The following CTNNA2 variants were observed in gnomAD, a reference collection of about 807,000 sequenced individuals.
The protein encoded by CTNNA2 is catenin alpha 2, also known as catenin alpha-2.
A neutral mutation model predicts 101.0 loss-of-function variants in CTNNA2; 42 were observed. That is an observed-to-expected ratio of 0.42 (90% CI 0.32 to 0.54). The LOEUF (loss-of-function observed/expected upper bound fraction) is 0.54. Among genes scored for constraint, CTNNA2 ranks in the 20% least tolerant of loss-of-function variants. CTNNA2 has a pLI of 0.14. For synonymous variants in CTNNA2, 450 were observed against 456.4 expected (o/e 0.99, Z 0.18); for missense variants, 871 against 1,223.1 (o/e 0.71, Z 4.29).
chr2:79,823,004 A>G (rs773772159), intron 3 of CTNNA2, among the ~76,000 whole-genome samples: 4 of 152,014 alleles, frequency 2.6e-5, no homozygotes, highest in Non-Finnish European at 5.9e-5. Flanking sequence ...GCCAGATACA[A>G]TTTTTTTCTC....
intron 2 of CTNNA2, among the ~76,000 whole-genome samples, chr2:79,289,354 T>G (rs1467580962): frequency 2.6e-5 from 4 of 152,188 alleles, no homozygotes. Context: ...GATTTAATGA[T>G]GAAGACAACA....
intron 2 of CTNNA2, among the ~76,000 whole-genome samples, chr2:79,205,299 G>T (rs183247986): frequency 6.6e-6 from 1 of 152,200 alleles, no homozygotes; most frequent in South Asian, 2.1e-4. Context: ...GGACATGAGA[G>T]AAAAAGCTTC....
At chr2:80,418,181 T>G (rs1680204109) in intron 8 of CTNNA2, among the ~76,000 whole-genome samples, 1 of 152,208 alleles carries the variant, frequency 6.6e-6, no homozygotes, top group Non-Finnish European at 1.5e-5. Context: ...CTTCTTACCC[T>G]AGGCGCTGCC....
chr2:80,326,521 G>A (rs1016677623), intron 7 of CTNNA2, among the ~76,000 whole-genome samples: 2 of 152,084 alleles, frequency 1.3e-5, no homozygotes, highest in African/African-American at 4.8e-5. Flanking sequence ...ACTGCTCAGG[G>A]TGATATGGGT....
At chr2:80,057,389 G>C (rs1558767201) in intron 7 of CTNNA2, among the ~76,000 whole-genome samples, 1 of 152,074 alleles carries the variant, frequency 6.6e-6, no homozygotes, top group Non-Finnish European at 1.5e-5. Context: ...CATTCCGATG[G>C]AACATGTATG....
intron 7 of CTNNA2, among the ~76,000 whole-genome samples, chr2:80,277,654 A>C (rs923074175): frequency 2.0e-5 from 3 of 152,008 alleles, no homozygotes; most frequent in Non-Finnish European, 4.4e-5. Flanking sequence ...TGAGAGGAAC[A>C]AAATGAGAAA....
chr2:80,111,688 T>C (rs1573112658), intron 7 of CTNNA2, among the ~76,000 whole-genome samples: 1 of 152,204 alleles, frequency 6.6e-6, no homozygotes, highest in East Asian at 1.9e-4. Context: ...ACCACAGGCA[T>C]GCACCACCAC....
intron 7 of CTNNA2, among the ~76,000 whole-genome samples, chr2:80,236,823 C>G (rs1462819631): frequency 6.6e-6 from 1 of 152,176 alleles, no homozygotes; most frequent in Non-Finnish European, 1.5e-5. Flanking sequence ...CACAGAGAAT[C>G]CACAATGGTG....
intron 7 of CTNNA2, among the ~76,000 whole-genome samples, chr2:80,170,471 C>T (rs747431076): frequency 3.3e-5 from 5 of 152,128 alleles, no homozygotes; most frequent in Admixed American, 6.5e-5. Flanking sequence ...CCTGGGTGTA[C>T]TCAGCCAGTG....
At chr2:80,293,915 A>T (rs1437560372) in intron 7 of CTNNA2, among the ~76,000 whole-genome samples, 1 of 151,972 alleles carries the variant, frequency 6.6e-6, no homozygotes, top group South Asian at 2.1e-4. Context: ...TGGGGTGGAG[A>T]CACAGAGGGG....
intron 9 of CTNNA2, among the ~76,000 whole-genome samples, chr2:80,455,020 G>C (rs1466260893): frequency 6.6e-6 from 1 of 152,240 alleles, no homozygotes; most frequent in Non-Finnish European, 1.5e-5. Flanking sequence ...ATATGCGGAG[G>C]CTGCATCCCT....
intron 7 of CTNNA2, among the ~76,000 whole-genome samples, chr2:80,255,992 G>A (rs1672110437): frequency 6.6e-6 from 1 of 152,086 alleles, no homozygotes; most frequent in South Asian, 2.1e-4. Flanking sequence ...ATTTGTGTCA[G>A]CAGTAATACT....
At chr2:80,462,627 C>CTTTTTTTTTTTTTTTTTT (rs1161384853) in intron 9 of CTNNA2, among the ~76,000 whole-genome samples, 22 of 114,366 alleles carry the variant, frequency 1.9e-4, no homozygotes, top group African/African-American at 7.4e-4. Flanking sequence ...TTCTTTCTTT[C>CTTTTTTTTTTTTTTTTTT]TTTCTTTTTT....
At chr2:80,259,407 G>A (rs932937607) in intron 7 of CTNNA2, among the ~76,000 whole-genome samples, 27 of 152,262 alleles carry the variant, frequency 1.8e-4, no homozygotes, top group African/African-American at 6.3e-4. Context: ...ATTCCACCTG[G>A]TTGCTTGTCC....
chr2:79,465,790 T>G (rs1573178770), intron 4 of CTNNA2, among the ~76,000 whole-genome samples: 1 of 77,774 alleles, frequency 1.3e-5, no homozygotes, highest in African/African-American at 8.2e-5. Flanking sequence ...GTTTGTTTGT[T>G]ATTTGGTATA....
intron 3 of CTNNA2, among the ~76,000 whole-genome samples, chr2:79,811,373 T>C (rs769553050): frequency 1.3e-5 from 2 of 152,054 alleles, no homozygotes; most frequent in Admixed American, 6.6e-5. Context: ...TTTGATGGGG[T>C]TGTTTGTTTT....
chr2:80,644,396 CA>C (rs1573554983), intron 18 of CTNNA2, among the ~76,000 whole-genome samples: 1 of 152,128 alleles, frequency 6.6e-6, no homozygotes. Flanking sequence ...CAATAAGTCA[CA>C]AAAGAGAATG....
At chr2:80,098,647 G>A (rs995424271) in intron 7 of CTNNA2, among the ~76,000 whole-genome samples, 1 of 152,180 alleles carries the variant, frequency 6.6e-6, no homozygotes, top group African/African-American at 2.4e-5. Context: ...GCTGTGGTGG[G>A]GTCCACCCAG....
At chr2:79,712,424 AATT>A (rs578164763) in intron 2 of CTNNA2, among the ~76,000 whole-genome samples, 7 of 152,202 alleles carry the variant, frequency 4.6e-5, no homozygotes, top group African/African-American at 1.2e-4. Context: ...AGCTTTAGAA[AATT>A]ATTATTAAGA....
Sources: allele counts gnomAD v4.1 joint callset (sites outside exome capture counted in the v4.1 genomes callset), GRCh38; gene constraint gnomAD v4.1.1; transcripts MANE v1.5; gene names NCBI Gene and HGNC (gene_info 2026-07-23, HGNC 2026-07-21).